TFG: variants seen among roughly 807,000 people sequenced by gnomAD.
The protein encoded by TFG is trafficking from ER to golgi regulator, also known as protein TFG.
Under a neutral mutation model 51.4 loss-of-function variants are expected in TFG, and 22 were observed. The observed-to-expected ratio is 0.43, with a 90% CI of 0.31 to 0.61. The LOEUF (loss-of-function observed/expected upper bound fraction) is 0.61, where lower values mean the gene tolerates loss of function less well. TFG is among the 20% of genes least tolerant of loss of function. The probability of loss-of-function intolerance (pLI) is 0.12; values close to 1 mark genes in which losing one functional copy is unlikely to be tolerated. For synonymous variants in TFG, 187 were observed against 165.6 expected, an observed-to-expected ratio of 1.13 and a Z score of -0.99; for missense variants, 419 against 487.7, an observed-to-expected ratio of 0.86 and a Z score of 1.33.
chr3:100,718,594 G>C (rs756716497), intron 2 of TFG, among the ~76,000 whole-genome samples: 1 of 78,836 alleles, frequency 1.3e-5, no homozygotes, highest in Admixed American at 2.1e-4. Flanking sequence ...GTCTTGCTTT[G>C]TCGTTTAGGC....
intron 7 of TFG, among the ~76,000 whole-genome samples, chr3:100,747,773 T>C (rs2095145870): frequency 6.6e-6 from 1 of 152,194 alleles, no homozygotes; most frequent in Admixed American, 6.5e-5. Context: ...TTCTCCGCAA[T>C]GTGTTTTTAT....
At chr3:100,712,138 T>TA (rs1441503884) in intron 1 of TFG, among the ~76,000 whole-genome samples, 1 of 152,148 alleles carries the variant, frequency 6.6e-6, no homozygotes, top group African/African-American at 2.4e-5. Flanking sequence ...ATTAATAAAA[T>TA]ATCTGTTGAG....
intron 3 of TFG, among the ~76,000 whole-genome samples, chr3:100,721,162 G>A (rs755394014): frequency 2.4e-4 from 37 of 152,166 alleles, no homozygotes; most frequent in Admixed American, 5.2e-4. Context: ...GCATAAAGCA[G>A]ATTAGATAAT....
chr3:100,732,230 G>A (rs1010288220), intron 4 of TFG, among the ~76,000 whole-genome samples: 2 of 151,962 alleles, frequency 1.3e-5, no homozygotes, highest in African/African-American at 4.8e-5. Context: ...CAAGGAGCTT[G>A]TATTTTTTTC....
intron 2 of TFG, among the ~76,000 whole-genome samples, chr3:100,719,768 C>T (rs1279662261): frequency 6.6e-6 from 1 of 152,074 alleles, no homozygotes; most frequent in Non-Finnish European, 1.5e-5. Flanking sequence ...AAATACCTTG[C>T]CATAAGAGTA....
At chr3:100,726,489 ATTAAC>A (rs958086958) in intron 3 of TFG, among the ~76,000 whole-genome samples, 2 of 152,228 alleles carry the variant, frequency 1.3e-5, no homozygotes, top group African/African-American at 4.8e-5. Flanking sequence ...GACACCTAAT[ATTAAC>A]TTAATTAATT....
At chr3:100,741,562 A>G (rs1438300393) in intron 6 of TFG, among the ~76,000 whole-genome samples, 2 of 152,216 alleles carry the variant, frequency 1.3e-5, no homozygotes, top group African/African-American at 4.8e-5. Flanking sequence ...GCTAAGGTTA[A>G]TTTATTGAAG....
intron 4 of TFG, 26 bp downstream of exon 4, chr3:100,728,884 G>A: frequency 1.9e-6 from 3 of 1,550,820 alleles, no homozygotes; most frequent in Non-Finnish European, 2.6e-6. Flanking sequence ...ATTGTATTCT[G>A]ACTTATTGTT....
chr3:100,748,074 A>T (rs1476225008), intron 7 of TFG, 75 bp from the exon 8 acceptor site: 5 of 1,466,088 alleles, frequency 3.4e-6, no homozygotes, highest in Non-Finnish European at 4.6e-6. Flanking sequence ...TGGTCCACCT[A>T]ACAGTAAGAC....
intron 6 of TFG, among the ~76,000 whole-genome samples, chr3:100,737,369 T>G (rs975759130): frequency 6.6e-6 from 1 of 152,338 alleles, no homozygotes; most frequent in Middle Eastern, 3.4e-3. Flanking sequence ...GAATGAAATA[T>G]AACCTGAAAG....
chr3:100,747,465 T>C (rs1007997887), intron 7 of TFG: 1 of 152,502 alleles, frequency 6.6e-6, no homozygotes, highest in East Asian at 1.9e-4. Context: ...GTGTGTTTCA[T>C]GGTAGAGATA....
At chr3:100,738,954 T>C (rs1268591477) in intron 6 of TFG, among the ~76,000 whole-genome samples, 1 of 152,212 alleles carries the variant, frequency 6.6e-6, no homozygotes, top group Non-Finnish European at 1.5e-5. Context: ...GATTTGACAC[T>C]GATTTGGAAC....
At position 100,736,730 on chromosome 3, in the gene TFG, T is replaced by C. The variant is rs1382798587; in HGVS notation, c.721+14T>C. The C allele has an allele frequency of 2.2e-5, 35 of 1,612,130 alleles. No individual in the cohort carries two copies. Among genetic ancestry groups the C allele is most frequent in the Non-Finnish European group, 3.0e-5 (35 of 1,179,036 alleles). Reference sequence around the variant, plus strand: ...GTCAGATTGAAGGTAAAATAGAGTTTAGAACACATGTTTGGGAAAGTACAT... The same window carrying C: ...GTCAGATTGAAGGTAAAATAGAGTTCAGAACACATGTTTGGGAAAGTACAT... On this transcript the variant is annotated intron_variant, in intron 6 of 7. Transcript: ENST00000240851.
At chr3:100,710,639 C>A (rs1350917485) in intron 1 of TFG, among the ~76,000 whole-genome samples, 1 of 152,210 alleles carries the variant, frequency 6.6e-6, no homozygotes, top group Non-Finnish European at 1.5e-5. Flanking sequence ...GAACCTGGTT[C>A]AGGAGGCAGG....
intron 5 of TFG, 106 bp from the exon 6 acceptor site, chr3:100,736,470 C>G (rs1340031238): frequency 1.6e-6 from 2 of 1,258,482 alleles, no homozygotes; most frequent in Admixed American, 2.3e-5. Flanking sequence ...TGGTTATATA[C>G]TTATTCTATA....
intron 7 of TFG, among the ~76,000 whole-genome samples, chr3:100,745,166 TGTA>T (rs2095131635): frequency 7.5e-6 from 1 of 133,278 alleles, no homozygotes; most frequent in Admixed American, 7.7e-5. Flanking sequence ...TGCAGTAACT[TGTA>T]GTATAAAAAG....
At chr3:100,747,969 T>C (rs1279414571) in intron 7 of TFG, among the ~76,000 whole-genome samples, 180 bp from the exon 8 acceptor site, 1 of 152,176 alleles carries the variant, frequency 6.6e-6, no homozygotes, top group East Asian at 1.9e-4. Flanking sequence ...TTGTAGAGAA[T>C]GCCTCTTTGA....
intron 1 of TFG, 55 bp from the exon 2 acceptor site, chr3:100,713,588 C>A (rs2095036949): frequency 3.8e-6 from 3 of 793,166 alleles, no homozygotes; most frequent in East Asian, 5.8e-5. Flanking sequence ...AGTAGCTTTG[C>A]TCTCAACTTT....
intron 6 of TFG, chr3:100,743,588 A>G (rs1302443070): frequency 6.6e-6 from 1 of 152,016 alleles, no homozygotes; most frequent in Non-Finnish European, 1.5e-5. Context: ...GCTGATTTTT[A>G]TTTGTATTCT....
Sources: gnomAD v4.1 joint callset for allele counts (sites outside exome capture counted in the v4.1 genomes callset) on GRCh38, gnomAD v4.1.1 for gene constraint, MANE v1.5 for transcripts, NCBI Gene and HGNC (gene_info 2026-07-23, HGNC 2026-07-21) for gene names.